CSF2RB: variants seen among roughly 807,000 people sequenced by gnomAD.
CSF2RB encodes the protein colony stimulating factor 2 receptor subunit beta.
In CSF2RB, 22 loss-of-function variants were observed where a neutral mutation model predicts 67.2. The ratio of observed to expected loss-of-function variants is 0.33; its 90% confidence interval spans 0.23 to 0.47. The LOEUF (loss-of-function observed/expected upper bound fraction) is 0.47, where lower values mean the gene tolerates loss of function less well. CSF2RB is among the 20% of genes least tolerant of loss of function. The probability of loss-of-function intolerance (pLI) is 1.00; values close to 1 mark genes in which losing one functional copy is unlikely to be tolerated. For synonymous variants in CSF2RB, 507 were observed against 482.9 expected (o/e 1.05, Z -0.65); for missense variants, 1,113 against 1,174.5 (o/e 0.95, Z 0.76).
chr22:36,919,938 T>C (rs1409446516), intron 1 of CSF2RB, among the ~76,000 whole-genome samples: 1 of 152,170 alleles, frequency 6.6e-6, no homozygotes, highest in Admixed American at 6.5e-5. Flanking sequence ...GTTTTGACAT[T>C]TGGGAAACTG....
Position 36,930,270 on chromosome 22 carries a change from C to A in CSF2RB, c.719-105C>A. On this transcript the variant is annotated intron_variant, in intron 6 of 13. Transcript: ENST00000403662. ...TGAAGTTTCAGCCCTGGTCTTTTGG[C>A]CCCAGAGCTCATGACCTCTGTGTGA... is the stretch of plus-strand genomic sequence containing the variant. The A allele has an allele frequency of 2.6e-6, 4 of 1,513,498 alleles. 1 individual carries two copies. In the South Asian group the frequency reaches 3.4e-5, roughly 13 times the overall value. The allele number at this position is 1,513,498 out of a possible 1,614,324, so 93.8% of individuals were successfully genotyped here. A position where few individuals can be genotyped will look rare whatever the true frequency, so the allele number is the denominator to read the frequency against.
chr22:36,916,231 A>C (rs1277476064), intron 1 of CSF2RB, among the ~76,000 whole-genome samples: 1 of 152,146 alleles, frequency 6.6e-6, no homozygotes, highest in East Asian at 1.9e-4. Flanking sequence ...TGGTGTCTTG[A>C]AACCTCTAAG....
In CSF2RB at chr22:36,938,053, G is replaced by A; in HGVS notation, c.2245G>A (p.Ala749Thr). The change falls in exon 14 of 14, where the codon GCC (alanine) becomes ACC (threonine). Residue 749 changes from alanine to threonine, a missense_variant. Transcript: ENST00000403662. ...GACCCCCAGCTTATGTCCTGGGCTG[G>A]CCAGTGGACCCCCTGGAGCCCCAGG... The part of the protein sequence containing the change: ...DQTPSLCPGL[A>T]SGPPGAPGPV... 1 of 1,614,082 alleles carries A rather than the reference G, an allele frequency of 6.2e-7. No homozygotes were observed. The highest frequency in any genetic ancestry group is 8.5e-7 in the Non-Finnish European group (1 of 1,180,006).
At position 36,937,270 on chromosome 22, in the gene CSF2RB, C is replaced by T. The variant is rs1260545852; in HGVS notation, c.1569-107C>T. The T allele has an allele frequency of 2.2e-6, 3 of 1,381,576 alleles. No homozygotes were observed. Among genetic ancestry groups the T allele is most frequent in the African/African-American group, 2.8e-5 (2 of 70,184 alleles). 85.6% of individuals were successfully genotyped at this position (1,381,576 alleles called of 1,614,324 possible). A position where few individuals can be genotyped will look rare whatever the true frequency, so the allele number is the denominator to read the frequency against. On this transcript the variant is annotated intron_variant, in intron 13 of 13. Coordinates refer to ENST00000403662, the MANE Select transcript of CSF2RB (RefSeq NM_000395.3). The surrounding 1 kb of genome is among the most constrained non-coding windows in gnomAD (Gnocchi z 4.6). ...GGTTCTCTCTGTGAGATCTGGGGGACATCAGGGCTTCCAGAGAACCATCTC... is the reference window on the plus strand; with the variant it reads ...GGTTCTCTCTGTGAGATCTGGGGGATATCAGGGCTTCCAGAGAACCATCTC...
At chr22:36,915,393 T>C (rs1415004497) in intron 1 of CSF2RB, among the ~76,000 whole-genome samples, 1 of 150,388 alleles carries the variant, frequency 6.6e-6, no homozygotes, top group Non-Finnish European at 1.5e-5. Flanking sequence ...ATGGTAGTTT[T>C]TCTTTTTACA....
At chr22:36,923,958 G>A (rs878890704) in intron 3 of CSF2RB, 48 of 377,942 alleles carry the variant, frequency 1.3e-4, no homozygotes, top group South Asian at 7.9e-4. Context: ...TCCTGGGCAC[G>A]TGCCACAAGG....
chr22:36,928,914 G>A (rs886863829), intron 4 of CSF2RB, among the ~76,000 whole-genome samples: 2 of 152,186 alleles, frequency 1.3e-5, no homozygotes, highest in Non-Finnish European at 2.9e-5. Flanking sequence ...TGAAATGAGA[G>A]AAGGAATGAG....
intron 2 of CSF2RB, 108 bp downstream of exon 2, chr22:36,922,391 C>T: frequency 9.9e-7 from 1 of 1,005,042 alleles, no homozygotes; most frequent in Non-Finnish European, 1.5e-6. Context: ...CCTCCTCCTG[C>T]TCCCCTCCCT....
At chr22:36,927,390 G>T (rs1282887184) in intron 4 of CSF2RB, among the ~76,000 whole-genome samples, 1 of 152,100 alleles carries the variant, frequency 6.6e-6, no homozygotes, top group African/African-American at 2.4e-5. Context: ...GGGGTAAAGG[G>T]CAGGGCCCCT....
At chr22:36,930,583 G>A in intron 7 of CSF2RB, 73 bp downstream of exon 7, 1 of 1,611,078 alleles carries the variant, frequency 6.2e-7, no homozygotes, top group Non-Finnish European at 8.5e-7. Flanking sequence ...CTGTCCCTGG[G>A]GCCCCAGCAG....
intron 2 of CSF2RB, 150 bp from the exon 3 acceptor site, chr22:36,923,094 A>G: frequency 9.0e-7 from 1 of 1,109,430 alleles, no homozygotes; most frequent in Non-Finnish European, 1.3e-6. Flanking sequence ...GGCAGACATG[A>G]ACACATGTAC....
intron 6 of CSF2RB, among the ~76,000 whole-genome samples, 176 bp downstream of exon 6, chr22:36,929,983 C>G (rs1176463641): frequency 6.6e-6 from 1 of 152,250 alleles, no homozygotes; most frequent in African/African-American, 2.4e-5. Flanking sequence ...ACCAGTAGGA[C>G]TCTGCATCTG....
intron 1 of CSF2RB, among the ~76,000 whole-genome samples, chr22:36,921,273 T>C (rs569196905): frequency 8.5e-6 from 1 of 117,490 alleles, no homozygotes; most frequent in South Asian, 2.6e-4. Context: ...TGTGCATGTT[T>C]GTGTGTGTAT....
At position 36,938,713 on chromosome 22, in the gene CSF2RB, A is replaced by C; in HGVS notation, c.*211A>C. On this transcript the variant is annotated 3_prime_UTR_variant, in exon 14 of 14. Transcript: ENST00000403662. Reference sequence around the variant, plus strand: ...CACAGACACACACACACACACGTACATGCACACATTTTTCCTGTCAGGTTA... The same window carrying C: ...CACAGACACACACACACACACGTACCTGCACACATTTTTCCTGTCAGGTTA... 2 of 580,122 alleles carry C rather than the reference A, an allele frequency of 3.4e-6. No homozygotes were observed. The highest frequency in any genetic ancestry group is 6.1e-6 in the Non-Finnish European group (2 of 329,800). The allele number at this position is 580,122 out of a possible 1,614,324, so 35.9% of individuals were successfully genotyped here. A position where few individuals can be genotyped will look rare whatever the true frequency, so the allele number is the denominator to read the frequency against.
intron 1 of CSF2RB, among the ~76,000 whole-genome samples, chr22:36,919,445 G>T (rs549619317): frequency 6.6e-6 from 1 of 152,146 alleles, no homozygotes; most frequent in South Asian, 2.1e-4. Flanking sequence ...CAGAGTCTCA[G>T]GCTGGAGTGC....
Position 36,937,265 on chromosome 22 carries a change from GGGGACATCA to G in CSF2RB, c.1569-108_1569-100del, listed in dbSNP as rs1254173513. Reference sequence around the variant, plus strand: ...GTTCAGGTTCTCTCTGTGAGATCTGGGGGACATCAGGGCTTCCAGAGAACCATCTCCACC... The same window carrying G: ...GTTCAGGTTCTCTCTGTGAGATCTGGGGGCTTCCAGAGAACCATCTCCACC... On this transcript the variant is annotated intron_variant, in intron 13 of 13. Transcript: ENST00000403662. This position sits in a 1 kb window ranked among gnomAD's most constrained non-coding sequence, Gnocchi z 4.6. The G allele has an allele frequency of 7.5e-7, 1 of 1,336,638 alleles. No individual in the cohort carries two copies. The highest frequency in any genetic ancestry group is 1.4e-5 in the African/African-American group (1 of 69,226). 82.8% of individuals were successfully genotyped at this position (1,336,638 alleles called of 1,614,324 possible). A position where few individuals can be genotyped will look rare whatever the true frequency, so the allele number is the denominator to read the frequency against.
At position 36,930,775 on chromosome 22, in the gene CSF2RB, C is replaced by CA; in HGVS notation, c.958dup (p.Ile320AsnfsTer54). The CA allele has an allele frequency of 6.2e-7, 1 of 1,614,108 alleles. No homozygotes were observed. The highest frequency in any genetic ancestry group is 8.5e-7 in the Non-Finnish European group (1 of 1,180,040). ...CCGACCCCGCGACCCACGGCCAATA[C>CA]ATCGTCTCTGTTCAGCCAAGGAGGG... is the stretch of plus-strand genomic sequence containing the variant. On this transcript the variant is annotated frameshift_variant, in exon 8 of 14. Coordinates refer to ENST00000403662, the MANE Select transcript of CSF2RB (RefSeq NM_000395.3). LOFTEE classifies it high-confidence loss of function.
At chr22:36,934,781 C>A (rs947818686) in intron 10 of CSF2RB, among the ~76,000 whole-genome samples, 16 of 152,304 alleles carry the variant, frequency 1.1e-4, no homozygotes, top group African/African-American at 3.8e-4. Flanking sequence ...AGTCCCCAGC[C>A]AGGCTTGGTA....
In CSF2RB at chr22:36,922,092, T is replaced by C. The variant is rs1940886603; in HGVS notation, c.-116T>C. 1 of 938,488 alleles carries C rather than the reference T, an allele frequency of 1.1e-6. No individual in the cohort carries two copies. The highest frequency in any genetic ancestry group is 1.7e-6 in the Non-Finnish European group (1 of 604,536). 58.1% of individuals were successfully genotyped at this position (938,488 alleles called of 1,614,324 possible). ...GTCCCAAGAGCCTGTGAAATGGGTC[T>C]GGCCTGGCTCCCAGCTGGGCAGGAA... is the stretch of plus-strand genomic sequence containing the variant. On this transcript the variant is annotated 5_prime_UTR_variant, in exon 2 of 14. Transcript: ENST00000403662.
Sources: gnomAD v4.1 joint callset for allele counts (sites outside exome capture counted in the v4.1 genomes callset) on GRCh38, gnomAD v4.1.1 for gene constraint, Gnocchi (gnomAD v3.1) non-coding constraint, MANE v1.5 for transcripts, NCBI Gene and HGNC (gene_info 2026-07-23, HGNC 2026-07-21) for gene names.